The following KCND2 variants were observed in gnomAD, a reference collection of about 807,000 sequenced individuals.
The protein encoded by KCND2 is potassium voltage-gated channel subfamily D member 2.
In KCND2, 16 loss-of-function variants were observed where a neutral mutation model predicts 54.4. That is an observed-to-expected ratio of 0.29 (90% CI 0.20 to 0.45). KCND2 has a LOEUF of 0.45. KCND2 is among the 20% of genes least tolerant of loss of function. KCND2 has a pLI of 1.00. For synonymous variants in KCND2, 317 were observed against 310.7 expected (o/e 1.02, Z -0.21); for missense variants, 486 against 824.2 (o/e 0.59, Z 5.02).
chr7:120,436,087 A>G (rs1801862081), intron 1 of KCND2, among the ~76,000 whole-genome samples: 1 of 152,214 alleles, frequency 6.6e-6, no homozygotes, highest in Non-Finnish European at 1.5e-5. Context: ...AATAGTAACA[A>G]AAGGGAAGAT....
intron 1 of KCND2, among the ~76,000 whole-genome samples, chr7:120,690,240 GA>G (rs957349070): frequency 1.8e-4 from 27 of 151,584 alleles, no homozygotes; most frequent in African/African-American, 4.6e-4. Context: ...AAGGCATACA[GA>G]AAAAAAATAC....
intron 1 of KCND2, among the ~76,000 whole-genome samples, chr7:120,457,996 A>G (rs1011274580): frequency 6.6e-6 from 1 of 152,184 alleles, no homozygotes; most frequent in Non-Finnish European, 1.5e-5. Context: ...CCTTATTGAT[A>G]TGGTGGCAGC....
intron 1 of KCND2, among the ~76,000 whole-genome samples, chr7:120,296,152 T>C (rs1171584739): frequency 6.6e-6 from 1 of 152,130 alleles, no homozygotes; most frequent in African/African-American, 2.4e-5. Flanking sequence ...TTATATATAG[T>C]CATTCAGTCT....
At chr7:120,565,350 TGTA>T (rs1173225388) in intron 1 of KCND2, among the ~76,000 whole-genome samples, 2 of 152,190 alleles carry the variant, frequency 1.3e-5, no homozygotes, top group African/African-American at 4.8e-5. Flanking sequence ...TCTTATGTAA[TGTA>T]GTCTATTCAT....
chr7:120,707,714 A>G (rs1792487282), intron 1 of KCND2, among the ~76,000 whole-genome samples: 1 of 152,018 alleles, frequency 6.6e-6, no homozygotes. Flanking sequence ...ATCACTTAAG[A>G]TGCTGTTGAG....
Position 120,279,825 on chromosome 7 carries a change from G to A in KCND2, c.1115+4078G>A, listed in dbSNP as rs181332200. Among the ~76,000 whole-genome samples the A allele has an allele frequency of 3.8e-3, 583 of 151,726 alleles. 1 individual carries two copies. The highest frequency in any genetic ancestry group is 6.7e-3 in the Non-Finnish European group (454 of 67,768). ...ATATATGATCATATCTATGATATAC[G>A]ATAACATTATGTTATAATTATATAT... On this transcript the variant is annotated intron_variant, in intron 1 of 5. Transcript: ENST00000331113.
intron 1 of KCND2, among the ~76,000 whole-genome samples, chr7:120,586,396 T>A (rs1188378544): frequency 6.6e-6 from 1 of 152,042 alleles, no homozygotes; most frequent in Non-Finnish European, 1.5e-5. Context: ...CAAAAAAAAA[T>A]TTAGTCACAC....
chr7:120,434,220 A>T (rs947774153), intron 1 of KCND2, among the ~76,000 whole-genome samples: 1 of 152,216 alleles, frequency 6.6e-6, no homozygotes, highest in African/African-American at 2.4e-5. Flanking sequence ...AAGCGTGGTT[A>T]TGAGGCCAAA....
At chr7:120,367,231 G>T (rs2116409956) in intron 1 of KCND2, among the ~76,000 whole-genome samples, 1 of 152,214 alleles carries the variant, frequency 6.6e-6, no homozygotes. Context: ...TTTAGGGTTT[G>T]AACCCAGGTC....
chr7:120,307,052 A>T (rs1348093876), intron 1 of KCND2, among the ~76,000 whole-genome samples: 1 of 152,092 alleles, frequency 6.6e-6, no homozygotes, highest in Admixed American at 6.6e-5. Flanking sequence ...GTAAAAGTTT[A>T]TTCATACGTT....
At chr7:120,303,379 CAG>C (rs952491590) in intron 1 of KCND2, among the ~76,000 whole-genome samples, 12 of 152,234 alleles carry the variant, frequency 7.9e-5, no homozygotes, top group African/African-American at 2.6e-4. Context: ...TATTTTCAGA[CAG>C]AGCTATTATT....
intron 1 of KCND2, among the ~76,000 whole-genome samples, chr7:120,411,929 T>G (rs190214519): frequency 6.6e-6 from 1 of 151,984 alleles, no homozygotes; most frequent in Admixed American, 6.6e-5. Flanking sequence ...TAATTGCATC[T>G]TTCAAGATGT....
At chr7:120,350,496 C>T (rs1387238832) in intron 1 of KCND2, among the ~76,000 whole-genome samples, 2 of 152,054 alleles carry the variant, frequency 1.3e-5, no homozygotes, top group African/African-American at 2.4e-5. Context: ...TTTAAATTTA[C>T]AGCTTTAACA....
At chr7:120,329,540 A>G (rs1584732872) in intron 1 of KCND2, among the ~76,000 whole-genome samples, 2 of 152,170 alleles carry the variant, frequency 1.3e-5, no homozygotes, top group South Asian at 4.1e-4. Context: ...TTTTGAAGGA[A>G]AAAAACTGTT....
At chr7:120,472,409 C>G (rs1430319523) in intron 1 of KCND2, among the ~76,000 whole-genome samples, 1 of 151,992 alleles carries the variant, frequency 6.6e-6, no homozygotes, top group East Asian at 1.9e-4. Flanking sequence ...GCTCATTGTG[C>G]TATGGTGGAA....
intron 1 of KCND2, among the ~76,000 whole-genome samples, chr7:120,537,650 C>T (rs185989608): frequency 1.3e-5 from 2 of 152,320 alleles, no homozygotes; most frequent in East Asian, 1.9e-4. Flanking sequence ...ATCTGGAAAA[C>T]GTGTTGCAGC....
At chr7:120,397,094 C>T (rs1412218486) in intron 1 of KCND2, among the ~76,000 whole-genome samples, 1 of 152,018 alleles carries the variant, frequency 6.6e-6, no homozygotes, top group African/African-American at 2.4e-5. Flanking sequence ...TGAACAGACA[C>T]CTGCACTGTA....
At chr7:120,560,334 G>A (rs1792218300) in intron 1 of KCND2, among the ~76,000 whole-genome samples, 1 of 152,126 alleles carries the variant, frequency 6.6e-6, no homozygotes, top group Admixed American at 6.5e-5. Context: ...TTTAAGACTT[G>A]CTACTTGAAG....
chr7:120,686,731 G>A lies in KCND2; in HGVS notation c.1116-46172G>A, dbSNP rs552603761. Among the ~76,000 whole-genome samples the A allele has an allele frequency of 1.4e-4, 22 of 152,184 alleles. No individual in the cohort carries two copies. The South Asian group carries it at 4.2e-3, about 29-fold the overall frequency. On this transcript the variant is annotated intron_variant, in intron 1 of 5. Transcript: ENST00000331113. ...GGCTACAAGCACAGGGTGTTTACTG[G>A]AGTTGTATCCATGCTCACCTGAGGC... is the stretch of plus-strand genomic sequence containing the variant.
Sources: allele counts gnomAD v4.1 joint callset (sites outside exome capture counted in the v4.1 genomes callset), GRCh38; gene constraint gnomAD v4.1.1; transcripts MANE v1.5; gene names NCBI Gene and HGNC (gene_info 2026-07-23, HGNC 2026-07-21).